Variants in CERS6 observed in about 807,000 individuals in gnomAD.
The protein encoded by CERS6 is ceramide synthase 6, also known as LAG1 homolog, ceramide synthase 6.
In CERS6, 26 loss-of-function variants were observed where a neutral mutation model predicts 56.8. The observed-to-expected ratio is 0.46, with a 90% CI of 0.34 to 0.63. The LOEUF (loss-of-function observed/expected upper bound fraction) is 0.63. CERS6 is among the 30% of genes least tolerant of loss of function. CERS6 has a pLI of 0.01. For synonymous variants in CERS6, 164 were observed against 173.3 expected, an observed-to-expected ratio of 0.95 and a Z score of 0.42; for missense variants, 415 against 467.5, an observed-to-expected ratio of 0.89 and a Z score of 1.04.
At chr2:168,743,454 G>A (rs1480867347) in intron 8 of CERS6, among the ~76,000 whole-genome samples, 1 of 152,028 alleles carries the variant, frequency 6.6e-6, no homozygotes, top group African/African-American at 2.4e-5. Context: ...GAGCAACAGG[G>A]CGAAACCCTG....
chr2:168,589,181 T>G (rs1683615418), intron 3 of CERS6, among the ~76,000 whole-genome samples: 1 of 152,242 alleles, frequency 6.6e-6, no homozygotes, highest in African/African-American at 2.4e-5. Context: ...GGGTTCCAAT[T>G]TCTGTACATT....
intron 1 of CERS6, among the ~76,000 whole-genome samples, chr2:168,471,788 C>A (rs1277492026): frequency 6.6e-6 from 1 of 152,202 alleles, no homozygotes; most frequent in Admixed American, 6.5e-5. Context: ...CTAGAAACTT[C>A]CACCTTACTT....
At position 168,579,648 on chromosome 2, in the gene CERS6, G is replaced by T. The variant is rs1291907928; in HGVS notation, c.407+18326G>T. Among the ~76,000 whole-genome samples the T allele has an allele frequency of 3.0e-4, 46 of 152,052 alleles. 1 individual carries two copies. Among genetic ancestry groups the T allele is most frequent in the Admixed American group, 3.0e-3 (46 of 15,272 alleles). On this transcript the variant is annotated intron_variant, in intron 3 of 9. Transcript: ENST00000305747. ...ATTTCTACTCATCACCCCAACCCTT[G>T]CCTGGCACAGGTATACCCACCTGGA...
chr2:168,510,803 C>G lies in CERS6; in HGVS notation c.171-36793C>G, dbSNP rs569412802. On this transcript the variant is annotated intron_variant, in intron 1 of 9. Transcript: ENST00000305747. ...AAGGGCTCAATGTGCTGGGTAATTTCTAACTGTTTTACGTGCATTAACTAA... is the reference window on the plus strand; with the variant it reads ...AAGGGCTCAATGTGCTGGGTAATTTGTAACTGTTTTACGTGCATTAACTAA... Among the ~76,000 whole-genome samples the G allele has an allele frequency of 1.4e-4, 22 of 152,010 alleles. No homozygotes were observed. In the East Asian group the frequency reaches 3.9e-3, roughly 27 times the overall value.
intron 3 of CERS6, among the ~76,000 whole-genome samples, chr2:168,607,242 G>GA (rs1684073649): frequency 6.6e-6 from 1 of 152,080 alleles, no homozygotes; most frequent in South Asian, 2.1e-4. Flanking sequence ...TGGCCTTCTA[G>GA]AAAAAATTTA....
intron 3 of CERS6, among the ~76,000 whole-genome samples, chr2:168,621,219 A>G (rs1213508447): frequency 2.0e-5 from 3 of 152,234 alleles, no homozygotes; most frequent in African/African-American, 7.2e-5. Context: ...CTAAATAATA[A>G]TAAACATTTG....
intron 8 of CERS6, among the ~76,000 whole-genome samples, chr2:168,743,869 T>C (rs1684001909): frequency 6.6e-6 from 1 of 152,100 alleles, no homozygotes; most frequent in African/African-American, 2.4e-5. Context: ...ATTTTTAAAA[T>C]ATTTTTACAT....
intron 3 of CERS6, among the ~76,000 whole-genome samples, chr2:168,622,986 T>C (rs374450480): frequency 1.1e-4 from 16 of 152,330 alleles, no homozygotes; most frequent in Admixed American, 5.9e-4. Context: ...TTTTATTGTT[T>C]AAGACATATG....
intron 3 of CERS6, among the ~76,000 whole-genome samples, chr2:168,602,491 A>T (rs1424315152): frequency 6.6e-6 from 1 of 150,996 alleles, no homozygotes; most frequent in Non-Finnish European, 1.5e-5. Flanking sequence ...ATGTGGATAG[A>T]CTTTTTACAC....
chr2:168,486,512 A>G (rs1241453150), intron 1 of CERS6, among the ~76,000 whole-genome samples: 1 of 138,014 alleles, frequency 7.2e-6, no homozygotes, highest in Non-Finnish European at 1.6e-5. Context: ...AAAGGTGTCT[A>G]GATTTGGTTT....
chr2:168,514,498 C>T (rs1161010228), intron 1 of CERS6, among the ~76,000 whole-genome samples: 1 of 152,222 alleles, frequency 6.6e-6, no homozygotes, highest in East Asian at 1.9e-4. Flanking sequence ...CCCCACCACA[C>T]ACTACATAAG....
intron 3 of CERS6, among the ~76,000 whole-genome samples, chr2:168,591,188 A>T (rs921973962): frequency 9.9e-5 from 15 of 152,256 alleles, no homozygotes; most frequent in Non-Finnish European, 1.6e-4. Context: ...GAGTCCAAGT[A>T]ATTTAATTAC....
At chr2:168,597,181 A>G (rs1683821122) in intron 3 of CERS6, among the ~76,000 whole-genome samples, 1 of 152,204 alleles carries the variant, frequency 6.6e-6, no homozygotes, top group South Asian at 2.1e-4. Context: ...AACAAGACAT[A>G]GGGTTTTATT....
chr2:168,597,481 ATT>A (rs1683829326), intron 3 of CERS6, among the ~76,000 whole-genome samples: 2 of 152,130 alleles, frequency 1.3e-5, no homozygotes, highest in Admixed American at 1.3e-4. Context: ...CTGAAGACAC[ATT>A]CAGGTGTGTC....
intron 1 of CERS6, among the ~76,000 whole-genome samples, chr2:168,515,776 A>G (rs1302124764): frequency 1.3e-5 from 2 of 152,214 alleles, no homozygotes; most frequent in African/African-American, 4.8e-5. Context: ...TTGTGCCAAG[A>G]AGAGAATCTG....
At chr2:168,641,016 T>C (rs1252634408) in intron 4 of CERS6, among the ~76,000 whole-genome samples, 1 of 152,186 alleles carries the variant, frequency 6.6e-6, no homozygotes, top group Non-Finnish European at 1.5e-5. Flanking sequence ...TCATTTCAGA[T>C]CTTTCCTCCA....
At chr2:168,745,156 A>G (rs1213558462) in intron 8 of CERS6, among the ~76,000 whole-genome samples, 1 of 152,242 alleles carries the variant, frequency 6.6e-6, no homozygotes, top group African/African-American at 2.4e-5. Context: ...ACCATTACGA[A>G]TAAAAGTTGA....
At chr2:168,663,610 C>A (rs1486085125) in intron 4 of CERS6, among the ~76,000 whole-genome samples, 1 of 152,032 alleles carries the variant, frequency 6.6e-6, no homozygotes, top group African/African-American at 2.4e-5. Flanking sequence ...GGGTTGATTT[C>A]TTTACTATCA....
intron 4 of CERS6, among the ~76,000 whole-genome samples, chr2:168,666,338 G>T (rs76613196): frequency 0.031 from 4,689 of 151,978 alleles, 82 homozygotes; most frequent in Non-Finnish European, 0.04. Flanking sequence ...CCCTAGACCT[G>T]GCAACCACTC....
Sources: gnomAD v4.1 joint callset for allele counts (sites outside exome capture counted in the v4.1 genomes callset) on GRCh38, gnomAD v4.1.1 for gene constraint, MANE v1.5 for transcripts, NCBI Gene and HGNC (gene_info 2026-07-23, HGNC 2026-07-21) for gene names.